The following DMRT1 variants were observed in gnomAD, a reference collection of about 807,000 sequenced individuals.
The protein encoded by DMRT1 is doublesex- and mab-3-related transcription factor 1.
In DMRT1, 7 loss-of-function variants were observed where a neutral mutation model predicts 32.3. The ratio of observed to expected loss-of-function variants is 0.22; its 90% CI spans 0.12 to 0.41. The LOEUF is 0.41. Among genes scored for constraint, DMRT1 ranks in the 10% least tolerant of loss-of-function variants. DMRT1 has a pLI of 1.00. For synonymous variants in DMRT1, 278 were observed against 206.1 expected (o/e 1.35, Z -2.99); for missense variants, 625 against 500.5 (o/e 1.25, Z -2.37).
chr9:927,981 G>T (rs1333855411), intron 4 of DMRT1, among the ~76,000 whole-genome samples: 1 of 152,174 alleles, frequency 6.6e-6, no homozygotes, highest in Non-Finnish European at 1.5e-5. Flanking sequence ...GGAGCATCTT[G>T]CCTGTCCTGT....
In DMRT1 at chr9:861,785, C is replaced by T. The variant is rs879540471; in HGVS notation, c.538+14642C>T. The stretch of plus-strand genomic sequence containing the variant: ...CTGGGCGGAGATGCTCCCCACTTCC[C>T]AGACGGGGCGGCTGCCGGGCGGGGG... On this transcript the variant is annotated intron_variant, in intron 2 of 4. Coordinates refer to ENST00000382276, the MANE Select transcript of DMRT1 (RefSeq NM_021951.3). Among the ~76,000 whole-genome samples, 666 of 137,090 alleles carry T rather than the reference C, an allele frequency of 4.9e-3. 8 individuals are homozygous for T. Among genetic ancestry groups the T allele is most frequent in the Non-Finnish European group, 8.2e-3 (514 of 62,862 alleles). The allele number at this position is 137,090 out of a possible 152,430, so 89.9% of individuals were successfully genotyped here.
chr9:932,035 C>G (rs1818742346), intron 4 of DMRT1, among the ~76,000 whole-genome samples: 1 of 152,178 alleles, frequency 6.6e-6, no homozygotes, highest in East Asian at 1.9e-4. Flanking sequence ...ACGTCAGGCC[C>G]TCATCTGCAG....
At chr9:967,119 T>C (rs1470411807) in intron 4 of DMRT1, among the ~76,000 whole-genome samples, 1 of 152,168 alleles carries the variant, frequency 6.6e-6, no homozygotes, top group Non-Finnish European at 1.5e-5. Flanking sequence ...GGAGAGAAAT[T>C]ACCACTGCAG....
intron 1 of DMRT1, among the ~76,000 whole-genome samples, chr9:843,495 G>A (rs1435413384): frequency 6.6e-6 from 1 of 152,220 alleles, no homozygotes; most frequent in Non-Finnish European, 1.5e-5. Flanking sequence ...AATATGCGCA[G>A]GTGGAAAAAA....
At chr9:865,132 C>T (rs988896884) in intron 2 of DMRT1, among the ~76,000 whole-genome samples, 1 of 152,150 alleles carries the variant, frequency 6.6e-6, no homozygotes, top group Non-Finnish European at 1.5e-5. Flanking sequence ...TCCTGCATGA[C>T]GTTTCCAGGT....
At chr9:861,197 G>C (rs1815649060) in intron 2 of DMRT1, among the ~76,000 whole-genome samples, 1 of 151,970 alleles carries the variant, frequency 6.6e-6, no homozygotes. Flanking sequence ...CCTAGGCAGA[G>C]GGCCCTGCCG....
At chr9:926,268 G>T (rs1321120407) in intron 4 of DMRT1, among the ~76,000 whole-genome samples, 1 of 152,128 alleles carries the variant, frequency 6.6e-6, no homozygotes, top group East Asian at 1.9e-4. Context: ...GATTATATTT[G>T]AATTTTCCTT....
chr9:869,959 T>C (rs1455263384), intron 2 of DMRT1, among the ~76,000 whole-genome samples: 2 of 152,142 alleles, frequency 1.3e-5, no homozygotes, highest in African/African-American at 2.4e-5. Flanking sequence ...CGCGTGTATA[T>C]GGTAATGTTG....
intron 2 of DMRT1, among the ~76,000 whole-genome samples, chr9:859,245 G>T (rs78110213): frequency 0.015 from 2,350 of 152,182 alleles, 63 homozygotes; most frequent in African/African-American, 0.054. Context: ...GCTCTAACCT[G>T]TGCCTCTTGG....
chr9:935,242 T>C (rs1322209121), intron 4 of DMRT1, among the ~76,000 whole-genome samples: 2 of 152,228 alleles, frequency 1.3e-5, no homozygotes, highest in Non-Finnish European at 2.9e-5. Context: ...AAAGCCCCTA[T>C]ATCCTCTAGT....
At chr9:914,312 C>T (rs1421009401) in intron 3 of DMRT1, among the ~76,000 whole-genome samples, 6 of 152,056 alleles carry the variant, frequency 3.9e-5, no homozygotes, top group East Asian at 3.9e-4. Flanking sequence ...CGGTGGCTCA[C>T]GCCTGTAATC....
Position 842,017 on chromosome 9 carries a change from C to T in DMRT1, c.179C>T (p.Ala60Val), listed in dbSNP as rs1440162871. 4.5e-6 allele frequency: 7 copies of T among 1,551,288 alleles called. No homozygotes were observed. In the African/African-American group the frequency reaches 9.5e-5, roughly 21 times the overall value. The change falls in exon 1 of 5, where the codon GCG (alanine) becomes GTG (valine). Residue 60 changes from alanine to valine, a missense_variant. Ala to Val is a moderately conservative substitution (Grantham distance 64). Coordinates refer to ENST00000382276, the MANE Select transcript of DMRT1 (RefSeq NM_021951.3). ...SSRGGGSGSGASDLGAGSKKS... is the reference protein window; with the variant it reads ...SSRGGGSGSGVSDLGAGSKKS... Reference sequence around the variant, plus strand: ...AGAGGAGGCGGCTCCGGCTCCGGGGCGTCGGACCTGGGTGCCGGGAGCAAG... The same window carrying T: ...AGAGGAGGCGGCTCCGGCTCCGGGGTGTCGGACCTGGGTGCCGGGAGCAAG...
At position 870,314 on chromosome 9, in the gene DMRT1, G is replaced by A. The variant is rs560557110; in HGVS notation, c.538+23171G>A. 5.9e-5 allele frequency among the ~76,000 whole-genome samples: 9 copies of A among 152,218 alleles called. No individual in the cohort carries two copies. The South Asian group carries it at 6.2e-4, about 11-fold the overall frequency. ...CTCGGGAGGCTGAGGCAAGAGAATC[G>A]CTTGAACCTGGGAGGCGGAGGTTGC... On this transcript the variant is annotated intron_variant, in intron 2 of 4. Coordinates refer to ENST00000382276, the MANE Select transcript of DMRT1 (RefSeq NM_021951.3).
At position 871,940 on chromosome 9, in the gene DMRT1, C is replaced by T. The variant is rs376516633; in HGVS notation, c.539-21972C>T. 4.0e-5 allele frequency among the ~76,000 whole-genome samples: 6 copies of T among 151,554 alleles called. No homozygotes were observed. In the East Asian group the frequency reaches 7.7e-4, roughly 19 times the overall value. On this transcript the variant is annotated intron_variant, in intron 2 of 4. Coordinates refer to ENST00000382276, the MANE Select transcript of DMRT1 (RefSeq NM_021951.3). Reference sequence around the variant, plus strand: ...CTACCATTTCTTGTTATATTTTCTTCATCTCTCTATATACCTATTTACATT... The same window carrying T: ...CTACCATTTCTTGTTATATTTTCTTTATCTCTCTATATACCTATTTACATT...
At position 847,120 on chromosome 9, in the gene DMRT1, G is replaced by C. The variant is rs1301616622; in HGVS notation, c.515G>C (p.Ser172Thr). Residue 172 changes from serine to threonine, a missense_variant, in exon 2 of 5, where the codon AGT (serine) becomes ACT (threonine). This residue lies in a region of DMRT1 where 416 missense variants were observed against 321.6 expected (regional missense o/e 1.29). Transcript: ENST00000382276. ...CSGTSQPPPA[S>T]VPTTAASEGR... ...GGCACCTCTCAGCCACCGCCGGCCAGTGTCCCCACCACTGCAGCTTCAGGT... is the reference window on the plus strand; with the variant it reads ...GGCACCTCTCAGCCACCGCCGGCCACTGTCCCCACCACTGCAGCTTCAGGT... 1.2e-6 allele frequency: 2 copies of C among 1,613,200 alleles called. No homozygotes were observed. The highest frequency in any genetic ancestry group is 1.7e-6 in the Non-Finnish European group (2 of 1,180,044).
intron 2 of DMRT1, among the ~76,000 whole-genome samples, chr9:871,453 C>T (rs372634653): frequency 7.9e-5 from 12 of 151,534 alleles, no homozygotes; most frequent in African/African-American, 2.9e-4. Flanking sequence ...CTGCCTCAGC[C>T]TCCAGAGTAG....
intron 4 of DMRT1, among the ~76,000 whole-genome samples, chr9:927,287 A>G (rs975380898): frequency 7.2e-5 from 11 of 152,218 alleles, no homozygotes; most frequent in African/African-American, 2.4e-4. Flanking sequence ...ACAAACAATG[A>G]TGAAGCTTGT....
chr9:870,331 G>A (rs1442563720), intron 2 of DMRT1, among the ~76,000 whole-genome samples: 1 of 152,076 alleles, frequency 6.6e-6, no homozygotes, highest in African/African-American at 2.4e-5. Flanking sequence ...CCTGGGAGGC[G>A]GAGGTTGCAG....
At chr9:923,017 G>T (rs16926063) in intron 4 of DMRT1, among the ~76,000 whole-genome samples, 24,635 of 152,096 alleles carry the variant, frequency 0.16, 3,071 homozygotes, top group African/African-American at 0.36. Flanking sequence ...TCCATCTGGC[G>T]TTGGCAATGT....
Sources: gnomAD v4.1 joint callset for allele counts (sites outside exome capture counted in the v4.1 genomes callset) on GRCh38, gnomAD v4.1.1 for gene constraint, gnomAD v4.1.1 regional missense constraint, MANE v1.5 for transcripts, NCBI Gene and HGNC (gene_info 2026-07-23, HGNC 2026-07-21) for gene names.